Variants in ADARB2 observed in about 807,000 individuals in gnomAD.
The protein encoded by ADARB2 is adenosine deaminase RNA specific B2 (inactive), also known as inactive double-stranded RNA-specific editase B2.
ADARB2 carries 25 observed loss-of-function variants against 62.2 expected under a neutral mutation model. The observed-to-expected ratio is 0.40, with a 90% CI of 0.29 to 0.56. The LOEUF (loss-of-function observed/expected upper bound fraction) is 0.56, where lower values mean the gene tolerates loss of function less well. Among genes scored for constraint, ADARB2 ranks in the 20% least tolerant of loss-of-function variants. The pLI is 0.43. For synonymous variants in ADARB2, 572 were observed against 500.8 expected, an observed-to-expected ratio of 1.14 and a Z score of -1.90; for missense variants, 1,071 against 1,077.4, an observed-to-expected ratio of 0.99 and a Z score of 0.08.
rs1159411276 is a variant in ADARB2 at position 1,208,965 on chromosome 10, G to A, written c.1682+7986C>T. Among the ~76,000 whole-genome samples the A allele has an allele frequency of 2.6e-5, 4 of 152,308 alleles. No homozygotes were observed. In the South Asian group the frequency reaches 8.3e-4, roughly 32 times the overall value. ...AGGGCACTGAGGCAGGTGGGGTGGG[G>A]GTTCTGCCCAGTAAACAGGCTCAGG... On this transcript the variant is annotated intron_variant, in intron 7 of 9. Coordinates refer to ENST00000381312, the MANE Select transcript of ADARB2 (RefSeq NM_018702.4).
At chr10:1,328,454 C>A (rs1262049751) in intron 3 of ADARB2, among the ~76,000 whole-genome samples, 1 of 152,208 alleles carries the variant, frequency 6.6e-6, no homozygotes, top group East Asian at 1.9e-4. Flanking sequence ...GCAGACACTA[C>A]CTGAAAATCA....
chr10:1,417,512 T>A (rs1308641872), intron 1 of ADARB2, among the ~76,000 whole-genome samples: 1 of 152,242 alleles, frequency 6.6e-6, no homozygotes, highest in African/African-American at 2.4e-5. Context: ...TTTATTATCA[T>A]TCCTATTTTA....
In ADARB2 at chr10:1,652,985, C is replaced by A. The variant is rs74578442; in HGVS notation, c.100+84066G>T. 9.9e-3 allele frequency among the ~76,000 whole-genome samples: 1,509 copies of A among 152,290 alleles called. 16 individuals are homozygous for A. Among genetic ancestry groups the A allele is most frequent in the East Asian group, 0.045 (235 of 5,178 alleles). On this transcript the variant is annotated intron_variant, in intron 1 of 9. Transcript: ENST00000381312. ...TCCCTGAGATGCCAAGCCCCTCAGA[C>A]GATGGAGGCCTCCTCCCCCCTGGGA...
At chr10:1,225,737 T>C (rs11597932) in intron 6 of ADARB2, among the ~76,000 whole-genome samples, 26,704 of 128,574 alleles carry the variant, frequency 0.21, 4,134 homozygotes, top group East Asian at 0.35. Flanking sequence ...CGAATGTTGG[T>C]CCCCACTCTC....
intron 3 of ADARB2, among the ~76,000 whole-genome samples, chr10:1,293,302 G>A (rs1236859578): frequency 2.7e-5 from 3 of 111,110 alleles, no homozygotes; most frequent in East Asian, 6.6e-4. Flanking sequence ...AGAGAAGGGG[G>A]AAGAGAGAGG....
At chr10:1,644,628 C>A (rs886767682) in intron 1 of ADARB2, among the ~76,000 whole-genome samples, 4 of 152,204 alleles carry the variant, frequency 2.6e-5, no homozygotes, top group African/African-American at 9.6e-5. Flanking sequence ...GGCGCCTACG[C>A]GGAGTGGACA....
chr10:1,668,133 C>T (rs954627171), intron 1 of ADARB2, among the ~76,000 whole-genome samples: 2 of 152,224 alleles, frequency 1.3e-5, no homozygotes, highest in African/African-American at 4.8e-5. Flanking sequence ...ATTTTCTCTC[C>T]AGGCCCTCGC....
rs895289878 is a variant in ADARB2, at chr10:1,181,703, G to C, written c.*1490C>G. On this transcript the variant is annotated 3_prime_UTR_variant, in exon 10 of 10. Transcript: ENST00000381312. The stretch of plus-strand genomic sequence containing the variant: ...GGGGTGGTCAGCTGGGATTCTTTCC[G>C]GGAAGCCCACACCCCAGAGGTGGAC... 1 of 152,146 alleles carries C rather than the reference G, an allele frequency of 6.6e-6. No homozygotes were observed. The highest frequency in any genetic ancestry group is 6.5e-5 in the Admixed American group (1 of 15,282). The allele number at this position is 152,146 out of a possible 1,614,324, so 9.4% of individuals were successfully genotyped here.
intron 3 of ADARB2, among the ~76,000 whole-genome samples, chr10:1,356,668 T>C (rs1439438539): frequency 1.3e-5 from 2 of 152,100 alleles, no homozygotes; most frequent in Admixed American, 6.5e-5. Context: ...AGTGACACCA[T>C]CTTAAAGCCC....
At chr10:1,318,572 A>G (rs752500314) in intron 3 of ADARB2, among the ~76,000 whole-genome samples, 1 of 151,926 alleles carries the variant, frequency 6.6e-6, no homozygotes, top group South Asian at 2.1e-4. Context: ...GCTGGGGTTC[A>G]GATTCCACCT....
intron 8 of ADARB2, among the ~76,000 whole-genome samples, chr10:1,189,397 G>T (rs890989369): frequency 2.0e-5 from 3 of 152,048 alleles, no homozygotes; most frequent in African/African-American, 7.3e-5. Context: ...AGGGTTGAAG[G>T]TGTTAGGGCT....
chr10:1,346,968 T>C (rs1446182729), intron 3 of ADARB2, among the ~76,000 whole-genome samples: 1 of 152,260 alleles, frequency 6.6e-6, no homozygotes, highest in Non-Finnish European at 1.5e-5. Context: ...CCCCAGCATA[T>C]GTGCCCATAT....
chr10:1,381,574 A>G (rs968540423), intron 1 of ADARB2, among the ~76,000 whole-genome samples: 2 of 152,252 alleles, frequency 1.3e-5, no homozygotes, highest in African/African-American at 4.8e-5. Flanking sequence ...ACCAGAGCCC[A>G]GAGGTGGAAG....
At chr10:1,317,358 A>G (rs1409123741) in intron 3 of ADARB2, among the ~76,000 whole-genome samples, 3 of 152,250 alleles carry the variant, frequency 2.0e-5, no homozygotes, top group African/African-American at 7.2e-5. Context: ...TGTAATTACA[A>G]AACATCCCAT....
intron 1 of ADARB2, among the ~76,000 whole-genome samples, chr10:1,507,253 G>A (rs893723911): frequency 6.6e-6 from 1 of 152,232 alleles, no homozygotes; most frequent in Admixed American, 6.5e-5. Context: ...AACAGAGTGG[G>A]CTCAGATGTG....
intron 1 of ADARB2, among the ~76,000 whole-genome samples, chr10:1,635,343 C>T (rs1833906293): frequency 6.6e-6 from 1 of 152,210 alleles, no homozygotes; most frequent in East Asian, 1.9e-4. Context: ...ACTCGGCAGG[C>T]TGAGCAGTCC....
At chr10:1,614,910 C>CAAA (rs4002271) in intron 1 of ADARB2, among the ~76,000 whole-genome samples, 3,638 of 148,598 alleles carry the variant, frequency 0.024, 55 homozygotes, top group South Asian at 0.049. Context: ...GACTCTGACT[C>CAAA]AAAAAAAAAT....
At chr10:1,734,041 A>C (rs537712616) in intron 1 of ADARB2, among the ~76,000 whole-genome samples, 1 of 150,994 alleles carries the variant, frequency 6.6e-6, no homozygotes, top group East Asian at 1.9e-4. Flanking sequence ...TTTCTCTTAT[A>C]TGAGAGTCAA....
intron 3 of ADARB2, among the ~76,000 whole-genome samples, chr10:1,317,766 T>C (rs1589190541): frequency 8.2e-6 from 1 of 122,614 alleles, no homozygotes; most frequent in African/African-American, 3.4e-5. Context: ...GGGGGGTGGG[T>C]CAGTTTGTGT....
Sources: gnomAD v4.1 joint callset for allele counts (sites outside exome capture counted in the v4.1 genomes callset) on GRCh38, gnomAD v4.1.1 for gene constraint, MANE v1.5 for transcripts, NCBI Gene and HGNC (gene_info 2026-07-23, HGNC 2026-07-21) for gene names.